Variants in SPTBN4 observed in about 807,000 individuals in gnomAD.
SPTBN4 encodes spectrin beta, non-erythrocytic 4.
SPTBN4 carries 96 observed loss-of-function variants against 277.8 expected under a neutral mutation model. The observed-to-expected ratio is 0.35, with a 90% CI of 0.29 to 0.41. The LOEUF is 0.41. SPTBN4 is among the 10% of genes least tolerant of loss of function. The pLI, the probability that SPTBN4 is intolerant of heterozygous loss-of-function variation, is 1.00. For synonymous variants in SPTBN4, 1,481 were observed against 1,580.3 expected, an observed-to-expected ratio of 0.94 and a Z score of 1.49; for missense variants, 3,006 against 3,595.7, an observed-to-expected ratio of 0.84 and a Z score of 4.19.
intron 30 of SPTBN4, 123 bp downstream of exon 30, chr19:40,566,482 C>CA: frequency 1.1e-6 from 1 of 891,928 alleles, no homozygotes; most frequent in Non-Finnish European, 1.6e-6. Flanking sequence ...AGTGCCAAGA[C>CA]AGACTCTTGC....
intron 16 of SPTBN4, among the ~76,000 whole-genome samples, chr19:40,520,769 T>G (rs1599760376): frequency 2.0e-5 from 3 of 152,196 alleles, no homozygotes; most frequent in African/African-American, 7.2e-5. Flanking sequence ...GAGATCACTC[T>G]GGGATGGGAA....
chr19:40,555,517 A>G (rs995717874), intron 24 of SPTBN4, among the ~76,000 whole-genome samples: 7 of 151,312 alleles, frequency 4.6e-5, no homozygotes, highest in Non-Finnish European at 8.8e-5. Context: ...AAGAAAAGAA[A>G]AAAAAAGAAA....
rs1472189985 is a variant in SPTBN4, at chr19:40,567,982, C to T, written c.6656C>T (p.Ala2219Val). Residue 2219 changes from alanine (A) to valine (V), a missense_variant, in exon 31 of 36, where the codon GCG becomes GTG. Physicochemically the swap from Ala to Val is moderately conservative, Grantham distance 64. Around this residue, in one of 5 missense-constraint regions of SPTBN4, gnomAD observed 630 missense variants for 677.6 expected, o/e 0.93. Transcript: ENST00000598249. Reference sequence around the variant, plus strand: ...CCAGAGGACGCGGCGGAGACCCCCGCGACCCCCGCGGCGGCGGAGCAGGTG... The same window carrying T: ...CCAGAGGACGCGGCGGAGACCCCCGTGACCCCCGCGGCGGCGGAGCAGGTG... Reference protein sequence around the residue: ...AAPEDAAETPATPAAAEQVRP... With the variant: ...AAPEDAAETPVTPAAAEQVRP... The T allele has an allele frequency of 6.7e-7, 1 of 1,498,886 alleles. No homozygotes were observed. Among genetic ancestry groups the T allele is most frequent in the East Asian group, 2.7e-5 (1 of 37,312 alleles). The allele number at this position is 1,498,886 out of a possible 1,614,324, so 92.8% of individuals were successfully genotyped here.
rs748357168 is a variant in SPTBN4 at position 40,519,516 on chromosome 19, C to A, written c.3019C>A (p.Arg1007=). The change falls in exon 16 of 36, where the codon CGG becomes AGG. Residue 1007 remains arginine, a synonymous_variant. Transcript: ENST00000598249. The surrounding 1 kb of genome is among the most constrained non-coding windows in gnomAD (Gnocchi z 5.7). ...AEVRAQVREK[R]RAVESAPRAG... ...GGTGCGCGCCCAGGTGCGTGAGAAG[C>A]GGAGAGCTGTGGAGAGCGCGCCCCG... is the stretch of plus-strand genomic sequence containing the variant. The A allele has an allele frequency of 2.5e-6, 4 of 1,605,934 alleles. No homozygotes were observed. Among genetic ancestry groups the A allele is most frequent in the Admixed American group, 1.7e-5 (1 of 58,954 alleles).
chr19:40,506,878 G>T (rs1454169930), intron 13 of SPTBN4, among the ~76,000 whole-genome samples: 1 of 152,124 alleles, frequency 6.6e-6, no homozygotes, highest in African/African-American at 2.4e-5. Flanking sequence ...CCAGCTATTT[G>T]GAGGCTGAGG....
chr19:40,547,136 C>A (rs962799844), intron 20 of SPTBN4, among the ~76,000 whole-genome samples: 12 of 151,922 alleles, frequency 7.9e-5, no homozygotes, highest in Admixed American at 2.6e-4. Context: ...CCCATTAACT[C>A]GTCATTTACA....
chr19:40,571,939 T>A (rs974096483), intron 33 of SPTBN4, 80 bp from the exon 34 acceptor site: 1 of 1,458,172 alleles, frequency 6.9e-7, no homozygotes, highest in African/African-American at 1.4e-5. Context: ...CTCAGACATA[T>A]TCAGACCTTG....
Position 40,498,445 on chromosome 19 carries a change from G to A in SPTBN4, c.784+841G>A, listed in dbSNP as rs79223038. On this transcript the variant is annotated intron_variant, in intron 7 of 35. Coordinates refer to ENST00000598249, the MANE Select transcript of SPTBN4 (RefSeq NM_020971.3). ...TTTTTAGATGGAGTCTCACTCTGTCGCCCAGGCTGGAGTGCAGTGGCATGA... is the reference window on the plus strand; with the variant it reads ...TTTTTAGATGGAGTCTCACTCTGTCACCCAGGCTGGAGTGCAGTGGCATGA... Among the ~76,000 whole-genome samples the A allele has an allele frequency of 2.0e-3, 294 of 149,646 alleles. 1 individual carries two copies. The highest frequency in any genetic ancestry group is 4.1e-4 in the Non-Finnish European group (28 of 67,666).
rs149699038 is a variant in SPTBN4 at position 40,550,739 on chromosome 19, G to A, written c.4674+412G>A. ...TCACCAGGTTGGCCAGGCTGGGCTC[G>A]AACTCCTGGCCTCAAGTGATCCACT... On this transcript the variant is annotated intron_variant, in intron 22 of 35. Coordinates refer to ENST00000598249, the MANE Select transcript of SPTBN4 (RefSeq NM_020971.3). Among the ~76,000 whole-genome samples the A allele has an allele frequency of 2.1e-3, 319 of 152,118 alleles. 1 individual carries two copies. The highest frequency in any genetic ancestry group is 7.2e-3 in the African/African-American group (300 of 41,508).
chr19:40,506,515 T>C, intron 13 of SPTBN4, 129 bp downstream of exon 13: 1 of 1,336,770 alleles, frequency 7.5e-7, no homozygotes, highest in South Asian at 1.6e-5. Context: ...AAGCAGAGCC[T>C]AAGATTACAT....
At chr19:40,507,688 A>T (rs1252252864) in intron 13 of SPTBN4, among the ~76,000 whole-genome samples, 1 of 152,156 alleles carries the variant, frequency 6.6e-6, no homozygotes, top group Non-Finnish European at 1.5e-5. Context: ...CAAAAAAATT[A>T]GCCGGACATA....
intron 12 of SPTBN4, among the ~76,000 whole-genome samples, chr19:40,504,485 G>C (rs1476785839): frequency 1.3e-5 from 2 of 152,004 alleles, no homozygotes; most frequent in African/African-American, 4.8e-5. Context: ...TGGCCAACAT[G>C]GTGAAACCCC....
chr19:40,556,357 T>G, intron 25 of SPTBN4, 69 bp downstream of exon 25: 1 of 1,412,424 alleles, frequency 7.1e-7, no homozygotes, highest in Non-Finnish European at 9.7e-7. Flanking sequence ...AGTTTCCTCA[T>G]CTGTAGTATG....
chr19:40,502,598 A>G lies in SPTBN4; in HGVS notation c.1203+91A>G. ...CAAGGGAATCATTCACATTGTAGAC[A>G]TGATGGATTAGATATTCATTCTGAC... On this transcript the variant is annotated intron_variant, in intron 10 of 35. Coordinates refer to ENST00000598249, the MANE Select transcript of SPTBN4 (RefSeq NM_020971.3). This position sits in a 1 kb window ranked among gnomAD's most constrained non-coding sequence, Gnocchi z 4.9. The G allele has an allele frequency of 7.0e-7, 1 of 1,434,018 alleles. No homozygotes were observed. The highest frequency in any genetic ancestry group is 9.5e-7 in the Non-Finnish European group (1 of 1,056,404). 88.8% of individuals were successfully genotyped at this position (1,434,018 alleles called of 1,614,324 possible).
chr19:40,557,140 G>T lies in SPTBN4; in HGVS notation c.5407G>T (p.Ala1803Ser). The T allele has an allele frequency of 6.2e-7, 1 of 1,611,360 alleles. No individual in the cohort carries two copies. Among genetic ancestry groups the T allele is most frequent in the Admixed American group, 1.7e-5 (1 of 59,902 alleles). Residue 1803 changes from alanine (A) to serine (S), a missense_variant, in exon 26 of 36, where the codon GCC becomes TCC. Around this residue, in one of 5 missense-constraint regions of SPTBN4, gnomAD observed 425 missense variants for 594.7 expected, o/e 0.71. Coordinates refer to ENST00000598249, the MANE Select transcript of SPTBN4 (RefSeq NM_020971.3). ...ELIECGHTAA[A>S]TMAEWKDGLN... ...GATCGAGTGTGGCCATACAGCAGCG[G>T]CCACCATGGCCGAGTGGAAGGACGG...
chr19:40,557,345 G>T lies in SPTBN4; in HGVS notation c.5612G>T (p.Ser1871Ile), dbSNP rs1478670636. 1.2e-6 allele frequency: 2 copies of T among 1,609,882 alleles called. No homozygotes were observed. Among genetic ancestry groups the T allele is most frequent in the East Asian group, 2.2e-5 (1 of 44,786 alleles). The change falls in exon 26 of 36, where the codon AGT becomes ATT. Residue 1871 changes from serine to isoleucine, a missense_variant. Physicochemically the swap from Ser to Ile is moderately radical, Grantham distance 142 (BLOSUM62 -2). Transcript: ENST00000598249. ...CCGCCTGAGCCGAGACCCAGTGCCA[G>T]TTCCATGCAGCGGACCCTGAGAGCC... ...TTPPEPRPSA[S>I]SMQRTLRAFE...
chr19:40,567,537 T>C (rs2081106688), intron 30 of SPTBN4, 126 bp from the exon 31 acceptor site: 1 of 982,450 alleles, frequency 1.0e-6, no homozygotes, highest in Non-Finnish European at 1.4e-6. Flanking sequence ...CCTGGACACC[T>C]TGCTTTTTCA....
At chr19:40,487,586 C>T (rs2080086848) in intron 2 of SPTBN4, 111 bp from the exon 3 acceptor site, 1 of 1,362,532 alleles carries the variant, frequency 7.3e-7, no homozygotes, top group South Asian at 1.6e-5. Flanking sequence ...CTCAGGTGAT[C>T]CGCCTGTGAG....
rs563854466 is a variant in SPTBN4 at position 40,545,104 on chromosome 19, T to A, written c.4360-4085T>A. On this transcript the variant is annotated intron_variant, in intron 20 of 35. Transcript: ENST00000598249. ...AATTTTTATTATTATTATTTAAAAA[T>A]TTTTTTTTCAGGATGGAGTCTTGCT... Among the ~76,000 whole-genome samples the A allele has an allele frequency of 8.0e-4, 121 of 151,606 alleles. 1 individual carries two copies. Among genetic ancestry groups the A allele is most frequent in the African/African-American group, 2.6e-3 (107 of 41,400 alleles).
Sources: gnomAD v4.1 joint callset for allele counts (sites outside exome capture counted in the v4.1 genomes callset) on GRCh38, gnomAD v4.1.1 for gene constraint, gnomAD v4.1.1 regional missense constraint, Gnocchi (gnomAD v3.1) non-coding constraint, MANE v1.5 for transcripts, NCBI Gene and HGNC (gene_info 2026-07-23, HGNC 2026-07-21) for gene names.